Variants in ANTXRL observed in about 807,000 individuals in gnomAD.
ANTXRL encodes the protein anthrax toxin receptor-like.
Under a neutral mutation model 75.4 loss-of-function variants are expected in ANTXRL, and 63 were observed. The observed-to-expected ratio is 0.84, with a 90% CI of 0.68 to 1.03. The LOEUF (loss-of-function observed/expected upper bound fraction) is 1.03, where lower values mean the gene tolerates loss of function less well. Among genes scored for constraint, ANTXRL ranks in the 50% least tolerant of loss-of-function variants. The pLI is 0.00. For synonymous variants in ANTXRL, 335 were observed against 291.3 expected, an observed-to-expected ratio of 1.15 and a Z score of -1.53; for missense variants, 797 against 789.4, an observed-to-expected ratio of 1.01 and a Z score of -0.12.
At chr10:46,310,523 T>C (rs1436175397) in intron 14 of ANTXRL, 24 bp downstream of exon 14, 24 of 1,535,224 alleles carry the variant, frequency 1.6e-5, no homozygotes, top group African/African-American at 2.7e-5. Context: ...CTGGTCCCGA[T>C]ATTGTCACAT....
intron 12 of ANTXRL, chr10:46,308,809 C>A: frequency 4.6e-6 from 2 of 436,736 alleles, no homozygotes; most frequent in South Asian, 2.3e-5. Flanking sequence ...TGTCTTTGTA[C>A]CGGTAGATTT....
chr10:46,319,516 C>T (rs1838884026), intron 16 of ANTXRL, among the ~76,000 whole-genome samples: 1 of 152,108 alleles, frequency 6.6e-6, no homozygotes, highest in Admixed American at 6.6e-5. Flanking sequence ...ATGAAGCAAA[C>T]TGACCCAAAT....
chr10:46,317,390 TCCTTCTAAATTCGTACTCA>T (rs1838785602), intron 16 of ANTXRL, among the ~76,000 whole-genome samples: 4 of 152,218 alleles, frequency 2.6e-5, no homozygotes, highest in Non-Finnish European at 5.9e-5. Context: ...CTTGCAGACC[TCCTTCTAAATTCGTACTCA>T]TGTTTGCTGG....
chr10:46,291,908 C>A, intron 1 of ANTXRL, 150 bp from the exon 2 acceptor site: 1 of 680,580 alleles, frequency 1.5e-6, no homozygotes, highest in South Asian at 1.8e-5. Flanking sequence ...CTCGGATGAT[C>A]CAGTGGCCAC....
chr10:46,295,302 G>A (rs1458437162), intron 3 of ANTXRL, among the ~76,000 whole-genome samples: 1 of 152,180 alleles, frequency 6.6e-6, no homozygotes, highest in Non-Finnish European at 1.5e-5. Flanking sequence ...TTTCCCAAAT[G>A]CAGCCCTACC....
chr10:46,311,548 G>A lies in ANTXRL; in HGVS notation c.1212G>A (p.Pro404=), dbSNP rs1343231779. ...AAAAACCACCATCACCACCACCACC[G>A]CCTCCGCCTCCACCACCTCCACTCC... ...EQEKPPSPPP[P]PPPPPPPLPP... The change falls in exon 15 of 17, where the codon CCG becomes CCA. Residue 404 remains proline (P), a synonymous_variant. Transcript: ENST00000620264. The A allele has an allele frequency of 2.0e-5, 31 of 1,532,686 alleles. No homozygotes were observed. The highest frequency in any genetic ancestry group is 2.5e-5 in the Non-Finnish European group (29 of 1,144,870). The allele number at this position is 1,532,686 out of a possible 1,614,324, so 94.9% of individuals were successfully genotyped here.
At chr10:46,292,241 G>T (rs1837022720) in intron 2 of ANTXRL, 112 bp downstream of exon 2, 1 of 968,824 alleles carries the variant, frequency 1.0e-6, no homozygotes. Flanking sequence ...CCTTCAGTGG[G>T]GGACACAGAG....
At chr10:46,296,291 A>G (rs548805391) in intron 5 of ANTXRL, 39 bp downstream of exon 5, 1 of 1,532,468 alleles carries the variant, frequency 6.5e-7, no homozygotes. Flanking sequence ...CTGTAGGGGG[A>G]ACAGAGCTGG....
chr10:46,323,184 A>G (rs1328814725), intron 16 of ANTXRL, among the ~76,000 whole-genome samples: 1 of 152,168 alleles, frequency 6.6e-6, no homozygotes, highest in Non-Finnish European at 1.5e-5. Context: ...GTTTGAGCTG[A>G]CTTAAGTTGA....
chr10:46,321,835 G>T (rs1415690541), intron 16 of ANTXRL, among the ~76,000 whole-genome samples: 2 of 152,100 alleles, frequency 1.3e-5, no homozygotes, highest in Admixed American at 6.5e-5. Flanking sequence ...GAGCGTATCT[G>T]ATTATCATCA....
chr10:46,306,994 C>A (rs538883466), intron 11 of ANTXRL, 122 bp downstream of exon 11: 1 of 821,488 alleles, frequency 1.2e-6, no homozygotes, highest in Non-Finnish European at 1.8e-6. Flanking sequence ...TCTGTGGCTG[C>A]GCAAAGAGCA....
chr10:46,321,312 A>G (rs1166864189), intron 16 of ANTXRL, among the ~76,000 whole-genome samples: 1 of 152,210 alleles, frequency 6.6e-6, no homozygotes, highest in Non-Finnish European at 1.5e-5. Flanking sequence ...CAAAAACTTA[A>G]GTTTTCCATG....
chr10:46,322,530 G>T (rs1365725868), intron 16 of ANTXRL, among the ~76,000 whole-genome samples: 1 of 151,548 alleles, frequency 6.6e-6, no homozygotes, highest in African/African-American at 2.4e-5. Flanking sequence ...TGTTTTCCCA[G>T]GATTATGAGT....
At chr10:46,305,683 A>C (rs1838036647) in intron 10 of ANTXRL, among the ~76,000 whole-genome samples, 1 of 151,908 alleles carries the variant, frequency 6.6e-6, no homozygotes, top group Admixed American at 6.6e-5. Flanking sequence ...GTGTGGGCTC[A>C]GGAGTGAGAA....
rs1285006275 is a variant in ANTXRL at position 46,313,246 on chromosome 10, A to T, written c.1340A>T (p.Asp447Val). The change falls in exon 16 of 17, where the codon GAT becomes GTT. Residue 447 changes from aspartate (D) to valine (V), a missense_variant. Coordinates refer to ENST00000620264, the MANE Select transcript of ANTXRL (RefSeq NM_001278688.3). ...GGMRRIEGNL[D>V]TFCDLSHASC... is the part of the protein sequence containing the mutation. ...CACGTTGCTTTTCAGGGCAATCTGG[A>T]TACCTTTTGTGACCTCTCTCACGCA... 2 of 1,535,692 alleles carry T rather than the reference A, an allele frequency of 1.3e-6. No individual in the cohort carries two copies. Among genetic ancestry groups the T allele is most frequent in the Non-Finnish European group, 1.7e-6 (2 of 1,146,724 alleles).
intron 16 of ANTXRL, among the ~76,000 whole-genome samples, chr10:46,321,692 A>G (rs1248175015): frequency 6.6e-6 from 1 of 152,202 alleles, no homozygotes; most frequent in Non-Finnish European, 1.5e-5. Flanking sequence ...ACACTTTGAC[A>G]TAATGCATTA....
At chr10:46,308,402 T>TTCCCCCCCCC in intron 12 of ANTXRL, 1 of 246,460 alleles carries the variant, frequency 4.1e-6, no homozygotes, top group Non-Finnish European at 7.8e-6. Flanking sequence ...CCCTGCCCCT[T>TTCCCCCCCCC]CCCTCCCCTC....
intron 16 of ANTXRL, among the ~76,000 whole-genome samples, chr10:46,321,383 G>C (rs572463289): frequency 5.9e-5 from 9 of 152,288 alleles, no homozygotes; most frequent in African/African-American, 1.9e-4. Context: ...GATGTTGTCT[G>C]CTTCTGGGGA....
chr10:46,286,182 C>T (rs143382248), upstream of ANTXRL, among the ~76,000 whole-genome samples: 1,640 of 152,222 alleles, frequency 0.011, 18 homozygotes, highest in South Asian at 0.059. Context: ...TGACTCTTGG[C>T]AGCTGTGACT....
Sources: gnomAD v4.1 joint callset for allele counts (sites outside exome capture counted in the v4.1 genomes callset) on GRCh38, gnomAD v4.1.1 for gene constraint, MANE v1.5 for transcripts, NCBI Gene and HGNC (gene_info 2026-07-23, HGNC 2026-07-21) for gene names.